Variants in DOCK6 observed in about 807,000 individuals in gnomAD.
DOCK6 encodes the protein dedicator of cytokinesis 6.
A neutral mutation model predicts 230.3 loss-of-function variants in DOCK6; 167 were observed. The ratio of observed to expected loss-of-function variants is 0.73; its 90% confidence interval spans 0.64 to 0.82. The LOEUF is 0.82. DOCK6 is among the 40% of genes least tolerant of loss of function. The pLI, the probability that DOCK6 is intolerant of heterozygous loss-of-function variation, is 0.00. For synonymous variants in DOCK6, 1,148 were observed against 1,185.0 expected, an observed-to-expected ratio of 0.97 and a Z score of 0.64; for missense variants, 2,598 against 2,825.8, an observed-to-expected ratio of 0.92 and a Z score of 1.83.
At chr19:11,250,196 A>C (rs1399509115) in intron 6 of DOCK6, among the ~76,000 whole-genome samples, 1 of 151,884 alleles carries the variant, frequency 6.6e-6, no homozygotes, top group Non-Finnish European at 1.5e-5. Flanking sequence ...CTTTTAGTAG[A>C]GATGGGGTTT....
chr19:11,259,564 T>C (rs1423440189), intron 1 of DOCK6, among the ~76,000 whole-genome samples: 2 of 136,268 alleles, frequency 1.5e-5, no homozygotes, highest in Admixed American at 7.4e-5. Context: ...TTCTTTTTTT[T>C]TTTTTTTTTT....
Position 11,243,543 on chromosome 19 carries a change from C to G in DOCK6, c.1258+14G>C, listed in dbSNP as rs770865631. 31 of 1,587,706 alleles carry G rather than the reference C, an allele frequency of 2.0e-5. No homozygotes were observed. The highest frequency in any genetic ancestry group is 1.8e-5 in the Non-Finnish European group (21 of 1,168,890). On this transcript the variant is annotated intron_variant, in intron 11 of 47. Coordinates refer to ENST00000294618, the MANE Select transcript of DOCK6 (RefSeq NM_020812.4). The surrounding 1 kb of genome is among the most constrained non-coding windows in gnomAD (Gnocchi z 6.3). ...TTTAGCCCCGCCCCAAGCCTGTTAG[C>G]CCCGCCTCCTCACCGCCCTCCGAGT...
In DOCK6 at chr19:11,242,839, C is replaced by A. The variant is rs111566823; in HGVS notation, c.1480+220G>T. 8.6e-3 allele frequency among the ~76,000 whole-genome samples: 1,309 copies of A among 152,300 alleles called. 21 individuals carry two copies. Among genetic ancestry groups the A allele is most frequent in the African/African-American group, 0.029 (1,219 of 41,560 alleles). ...GCCCCCAGGACCCCTGCCTGCCCCGCTGCCATTAACCACCTATTGACGCTG... is the reference window on the plus strand; with the variant it reads ...GCCCCCAGGACCCCTGCCTGCCCCGATGCCATTAACCACCTATTGACGCTG... On this transcript the variant is annotated intron_variant, in intron 13 of 47. Coordinates refer to ENST00000294618, the MANE Select transcript of DOCK6 (RefSeq NM_020812.4).
intron 7 of DOCK6, 44 bp downstream of exon 7, chr19:11,248,022 G>A (rs1204007858): frequency 2.6e-6 from 4 of 1,551,426 alleles, no homozygotes; most frequent in East Asian, 2.3e-5. Flanking sequence ...AACCCATGTG[G>A]TTGCTTCACG....
Position 11,221,926 on chromosome 19 carries a change from C to A in DOCK6, c.3475G>T (p.Ala1159Ser), listed in dbSNP as rs779438786. The A allele has an allele frequency of 5.0e-6, 8 of 1,613,454 alleles. No individual in the cohort carries two copies. Among genetic ancestry groups the A allele is most frequent in the Non-Finnish European group, 6.8e-6 (8 of 1,179,886 alleles). The change falls in exon 28 of 48, where the codon GCT becomes TCT. Residue 1159 changes from alanine to serine, a missense_variant. By Grantham distance (99) the Ala-to-Ser change is moderately conservative (BLOSUM62 1). Coordinates refer to ENST00000294618, the MANE Select transcript of DOCK6 (RefSeq NM_020812.4). ...DPRYAEATVK[A>S]RVAELYLPLL... ...GGCAGGTACAGCTCGGCCACACGAGCCTTCACAGTGGCCTCGGCGTAGCGG... is the reference window on the plus strand; with the variant it reads ...GGCAGGTACAGCTCGGCCACACGAGACTTCACAGTGGCCTCGGCGTAGCGG...
At position 11,236,487 on chromosome 19, in the gene DOCK6, C is replaced by T. The variant is rs961772680; in HGVS notation, c.2251G>A (p.Gly751Ser). Residue 751 changes from glycine to serine, a missense_variant, in exon 20 of 48, where the codon GGC becomes AGC. Transcript: ENST00000294618. This position sits in a 1 kb window ranked among gnomAD's most constrained non-coding sequence, Gnocchi z 5.2. Reference protein sequence around the residue: ...FRLKDTVLSEGNVEQELRASL... With the variant: ...FRLKDTVLSESNVEQELRASL... ...GCCCGCAGCTCCTGCTCCACGTTGC[C>T]CTCGCTCAGCACAGTGTCCTTGAGC... The T allele has an allele frequency of 6.2e-7, 1 of 1,601,256 alleles. No individual in the cohort carries two copies. Among genetic ancestry groups the T allele is most frequent in the Non-Finnish European group, 8.5e-7 (1 of 1,174,450 alleles).
intron 39 of DOCK6, among the ~76,000 whole-genome samples, chr19:11,207,922 T>G (rs1412571506): frequency 1.3e-5 from 2 of 151,276 alleles, no homozygotes; most frequent in African/African-American, 2.4e-5. Context: ...AGAATGGAGG[T>G]CCTGTCTCAA....
chr19:11,240,093 T>C, intron 14 of DOCK6: 2 of 1,550,718 alleles, frequency 1.3e-6, no homozygotes, highest in Non-Finnish European at 8.7e-7. Context: ...TACACAAAGA[T>C]GAGTTGGACA....
At chr19:11,215,640 G>A (rs1470559334) in intron 31 of DOCK6, 161 bp downstream of exon 31, 23 of 1,342,256 alleles carry the variant, frequency 1.7e-5, no homozygotes, top group Non-Finnish European at 2.4e-5. Context: ...AGTGACAGAT[G>A]GGGACGCACA....
In DOCK6 at chr19:11,202,935, G is replaced by A. The variant is rs181442593; in HGVS notation, c.5236-226C>T. The stretch of plus-strand genomic sequence containing the variant: ...GTGTGTCCCTAATGCCCGTGGGACA[G>A]GGTATACAGCAGGTACCCAATACAT... On this transcript the variant is annotated intron_variant, in intron 41 of 47. Coordinates refer to ENST00000294618, the MANE Select transcript of DOCK6 (RefSeq NM_020812.4). The surrounding 1 kb of genome is among the most constrained non-coding windows in gnomAD (Gnocchi z 5.3). Among the ~76,000 whole-genome samples the A allele has an allele frequency of 1.6e-4, 24 of 152,332 alleles. No homozygotes were observed. In the East Asian group the frequency reaches 4.4e-3, roughly 28 times the overall value.
chr19:11,245,903 G>A (rs1382900272), intron 7 of DOCK6, 25 bp from the exon 8 acceptor site: 3 of 1,553,256 alleles, frequency 1.9e-6, no homozygotes, highest in Non-Finnish European at 2.6e-6. Flanking sequence ...GAGGGAGGGG[G>A]CTCTCCTTAA....
intron 24 of DOCK6, 63 bp from the exon 25 acceptor site, chr19:11,223,169 C>G (rs2147785878): frequency 2.7e-6 from 4 of 1,484,154 alleles, no homozygotes; most frequent in Admixed American, 3.6e-5. Flanking sequence ...GGGCTTGGCT[C>G]TCACCAAGAT....
At chr19:11,248,416 AT>A (rs538496196) in intron 6 of DOCK6, among the ~76,000 whole-genome samples, 59 of 145,568 alleles carry the variant, frequency 4.1e-4, no homozygotes, top group Admixed American at 4.1e-4. Flanking sequence ...ATAGAAGCTT[AT>A]TTTTTTTTTT....
At position 11,208,677 on chromosome 19, in the gene DOCK6, A is replaced by C; in HGVS notation, c.5088+9T>G. On this transcript the variant is annotated intron_variant, in intron 39 of 47. Coordinates refer to ENST00000294618, the MANE Select transcript of DOCK6 (RefSeq NM_020812.4). Reference sequence around the variant, plus strand: ...CCCCCTCTCCTGCACCCAGTCCCCAAGGCCTCACCATGGTGAAGTAGCCGG... The same window carrying C: ...CCCCCTCTCCTGCACCCAGTCCCCACGGCCTCACCATGGTGAAGTAGCCGG... The C allele has an allele frequency of 6.2e-7, 1 of 1,607,496 alleles. No homozygotes were observed. Among genetic ancestry groups the C allele is most frequent in the Non-Finnish European group, 8.5e-7 (1 of 1,174,968 alleles).
chr19:11,220,120 A>C (rs1281257512), intron 28 of DOCK6, among the ~76,000 whole-genome samples: 2 of 151,852 alleles, frequency 1.3e-5, no homozygotes, highest in African/African-American at 2.4e-5. Flanking sequence ...CGTCGAGCTA[A>C]TGTTTGTATT....
In DOCK6 at chr19:11,242,580, T is replaced by C. The variant is rs576824101; in HGVS notation, c.1481-373A>G. Reference sequence around the variant, plus strand: ...TGAATTTTTGTATTTTTAGTAGAGATGGAATTTCACCATGTTGGCCAGGCT... The same window carrying C: ...TGAATTTTTGTATTTTTAGTAGAGACGGAATTTCACCATGTTGGCCAGGCT... On this transcript the variant is annotated intron_variant, in intron 13 of 47. Coordinates refer to ENST00000294618, the MANE Select transcript of DOCK6 (RefSeq NM_020812.4). Among the ~76,000 whole-genome samples, 10 of 151,822 alleles carry C rather than the reference T, an allele frequency of 6.6e-5. No individual in the cohort carries two copies. The South Asian group carries it at 1.0e-3, about 16-fold the overall frequency.
At position 11,243,324 on chromosome 19, in the gene DOCK6, C is replaced by T; in HGVS notation, c.1320G>A (p.Gly440=). ...AGCCAGAGAAGCTGCAGGCGTCGTC[C>T]CCACTACTCGCCCGGTCCTGGGGCC... The part of the protein sequence containing the change: ...RRGPQDRASS[G]DDACSFSGFR... Residue 440 remains glycine, a synonymous_variant, in exon 12 of 48, where the codon GGG becomes GGA. Transcript: ENST00000294618. This position sits in a 1 kb window ranked among gnomAD's most constrained non-coding sequence, Gnocchi z 6.3. The T allele has an allele frequency of 6.2e-7, 1 of 1,600,030 alleles. No individual in the cohort carries two copies. Among genetic ancestry groups the T allele is most frequent in the Non-Finnish European group, 8.5e-7 (1 of 1,174,180 alleles).
rs1555698780 is a variant in DOCK6, at chr19:11,260,885, A to AAAAAAAAAAAAAAAG, written c.44+1511_44+1512insCTTTTTTTTTTTTTT. On this transcript the variant is annotated intron_variant, in intron 1 of 47. Coordinates refer to ENST00000294618, the MANE Select transcript of DOCK6 (RefSeq NM_020812.4). ...GTGACAGAGCGAGACTCTGTCTCAA[A>AAAAAAAAAAAAAAAG]AAAAAAAAAAGAAAGAAAGAAAGAA... Among the ~76,000 whole-genome samples, 7 of 127,252 alleles carry AAAAAAAAAAAAAAAG rather than the reference A, an allele frequency of 5.5e-5. 2 individuals are homozygous for AAAAAAAAAAAAAAAG. The highest frequency in any genetic ancestry group is 2.6e-4 in the Admixed American group (3 of 11,428). 83.5% of individuals were successfully genotyped at this position (127,252 alleles called of 152,430 possible).
Position 11,221,900 on chromosome 19 carries a change from T to C in DOCK6, c.3501A>G (p.Pro1167=), listed in dbSNP as rs763964174. The change falls in exon 28 of 48, where the codon CCA becomes CCG. Residue 1167 remains proline, a synonymous_variant. Transcript: ENST00000294618. ...AGGTATCCCGTGCAATCGATAGCAG[T>C]GGCAGGTACAGCTCGGCCACACGAG... The part of the protein sequence containing the change: ...VKARVAELYL[P]LLSIARDTLP... 6.2e-7 allele frequency: 1 copy of C among 1,613,464 alleles called. No homozygotes were observed. Among genetic ancestry groups the C allele is most frequent in the Non-Finnish European group, 8.5e-7 (1 of 1,179,892 alleles).
Sources: allele counts gnomAD v4.1 joint callset (sites outside exome capture counted in the v4.1 genomes callset), GRCh38; gene constraint gnomAD v4.1.1; non-coding constraint Gnocchi (gnomAD v3.1); transcripts MANE v1.5; gene names NCBI Gene and HGNC (gene_info 2026-07-23, HGNC 2026-07-21).